The following GALNT5 variants were observed in gnomAD, a reference collection of about 807,000 sequenced individuals.
GALNT5 encodes the protein UDP-GalNAc:polypeptide N-acetylgalactosaminyltransferase 5.
A neutral mutation model predicts 85.4 loss-of-function variants in GALNT5; 72 were observed. That is an observed-to-expected ratio of 0.84 (90% confidence interval 0.70 to 1.03). The LOEUF is 1.03. Among genes scored for constraint, GALNT5 ranks in the 50% least tolerant of loss-of-function variants. The pLI is 0.00. For missense variants in GALNT5, 1,137 were observed against 1,135.5 expected (o/e 1.00, Z -0.02); for synonymous variants, 404 against 397.0 (o/e 1.02, Z -0.21).
chr2:157,263,480 T>C (rs16841435), intron 1 of GALNT5, among the ~76,000 whole-genome samples: 3,877 of 152,248 alleles, frequency 0.025, 164 homozygotes, highest in East Asian at 0.13. Context: ...CAATTACTCT[T>C]AGTGTACACA....
chr2:157,306,528 C>A (rs1683459147), intron 8 of GALNT5, among the ~76,000 whole-genome samples: 1 of 152,204 alleles, frequency 6.6e-6, no homozygotes, highest in African/African-American at 2.4e-5. Flanking sequence ...ACACTTCCCT[C>A]TCTAACATAC....
chr2:157,280,980 G>A lies in GALNT5; in HGVS notation c.1455-3302G>A, dbSNP rs565586020. On this transcript the variant is annotated intron_variant, in intron 1 of 9. Transcript: ENST00000259056. ...AGAGCTGAGCAGATGGCAGAGCCATGCTTCCTGTACAGCCTGCAGAACCGT... is the reference window on the plus strand; with the variant it reads ...AGAGCTGAGCAGATGGCAGAGCCATACTTCCTGTACAGCCTGCAGAACCGT... 2.0e-5 allele frequency among the ~76,000 whole-genome samples: 3 copies of A among 152,318 alleles called. No individual in the cohort carries two copies. In the South Asian group the frequency reaches 6.2e-4, roughly 32 times the overall value.
intron 1 of GALNT5, among the ~76,000 whole-genome samples, chr2:157,263,581 G>A (rs958151743): frequency 6.6e-6 from 1 of 152,150 alleles, no homozygotes; most frequent in South Asian, 2.1e-4. Flanking sequence ...GAAATTATAA[G>A]CTTCTGAAGG....
At position 157,302,808 on chromosome 2, in the gene GALNT5, C is replaced by G. The variant is rs185297594; in HGVS notation, c.2439+1809C>G. On this transcript the variant is annotated intron_variant, in intron 7 of 9. Coordinates refer to ENST00000259056, the MANE Select transcript of GALNT5 (RefSeq NM_014568.3). ...CTCCGCTATACTATATCAAAATGCACCAAGTATTTTAAAAAGTGATTTTAA... is the reference window on the plus strand; with the variant it reads ...CTCCGCTATACTATATCAAAATGCAGCAAGTATTTTAAAAAGTGATTTTAA... 2.4e-3 allele frequency among the ~76,000 whole-genome samples: 368 copies of G among 152,286 alleles called. 2 individuals are homozygous for G. Among genetic ancestry groups the G allele is most frequent in the Non-Finnish European group, 2.0e-3 (133 of 68,032 alleles).
intron 2 of GALNT5, among the ~76,000 whole-genome samples, chr2:157,285,340 A>G (rs748726549): frequency 5.3e-5 from 8 of 152,214 alleles, no homozygotes; most frequent in Non-Finnish European, 1.0e-4. Context: ...TATGAGGGGC[A>G]GGTCCAGATT....
chr2:157,297,431 C>G (rs1209841307), intron 5 of GALNT5, among the ~76,000 whole-genome samples: 1 of 152,174 alleles, frequency 6.6e-6, no homozygotes, highest in Non-Finnish European at 1.5e-5. Context: ...GAAATTTAGA[C>G]TTAAAAGCAT....
intron 1 of GALNT5, among the ~76,000 whole-genome samples, chr2:157,274,712 T>G (rs971344968): frequency 3.9e-5 from 6 of 152,216 alleles, no homozygotes; most frequent in Non-Finnish European, 7.3e-5. Flanking sequence ...TTGAGTTCTT[T>G]GTAGATTCTG....
intron 9 of GALNT5, among the ~76,000 whole-genome samples, chr2:157,309,443 G>T (rs2353289): frequency 0.13 from 19,806 of 151,982 alleles, 2,530 homozygotes; most frequent in African/African-American, 0.32. Flanking sequence ...CTCTCCATTT[G>T]TCCCAATTAC....
chr2:157,288,145 T>A (rs531391443), intron 3 of GALNT5, among the ~76,000 whole-genome samples: 1 of 152,290 alleles, frequency 6.6e-6, no homozygotes, highest in Non-Finnish European at 1.5e-5. Context: ...TTCAAGCATG[T>A]TCTGATGGGA....
At chr2:157,259,806 T>C (rs1477189013) in intron 1 of GALNT5, among the ~76,000 whole-genome samples, 1 of 152,212 alleles carries the variant, frequency 6.6e-6, no homozygotes, top group Non-Finnish European at 1.5e-5. Flanking sequence ...ATTAAAATGA[T>C]TAGATGAACT....
intron 1 of GALNT5, among the ~76,000 whole-genome samples, chr2:157,278,856 C>T (rs959140965): frequency 5.3e-5 from 8 of 152,152 alleles, no homozygotes; most frequent in African/African-American, 1.4e-4. Context: ...TTTGTTCCAT[C>T]GCTGGCTAGG....
At chr2:157,290,127 A>T (rs1375435505) in intron 3 of GALNT5, among the ~76,000 whole-genome samples, 2 of 149,958 alleles carry the variant, frequency 1.3e-5, no homozygotes, top group Non-Finnish European at 3.0e-5. Flanking sequence ...ACACAAACAC[A>T]TATATACATA....
rs1288089376 is a variant in GALNT5, at chr2:157,317,198, A to ATTTTTTT, written c.*5855_*5861dup. 3.8e-5 allele frequency among the ~76,000 whole-genome samples: 5 copies of ATTTTTTT among 132,980 alleles called. No individual in the cohort carries two copies. The East Asian group carries it at 1.1e-3, about 29-fold the overall frequency. 87.2% of individuals were successfully genotyped at this position (132,980 alleles called of 152,430 possible). A position where few individuals can be genotyped will look rare whatever the true frequency, so the allele number is the denominator to read the frequency against. On this transcript the variant is annotated 3_prime_UTR_variant, in exon 10 of 10. Coordinates refer to ENST00000259056, the MANE Select transcript of GALNT5 (RefSeq NM_014568.3). ...TGTATATATATATATATATATATAT[A>ATTTTTTT]TTTTTTTTTTTGATGCTTTGATCTG...
intron 5 of GALNT5, among the ~76,000 whole-genome samples, chr2:157,298,329 C>A (rs1329576250): frequency 6.6e-6 from 1 of 152,126 alleles, no homozygotes; most frequent in Admixed American, 6.5e-5. Flanking sequence ...AGAAGGAAAA[C>A]CCCATTTCCC....
chr2:157,285,678 G>C (rs1480878389), intron 2 of GALNT5, among the ~76,000 whole-genome samples: 10 of 152,172 alleles, frequency 6.6e-5, no homozygotes, highest in Non-Finnish European at 1.5e-4. Flanking sequence ...GCTGAGAGTA[G>C]AGGCAGAATT....
chr2:157,264,760 G>A (rs570631608), intron 1 of GALNT5, among the ~76,000 whole-genome samples: 1 of 152,046 alleles, frequency 6.6e-6, no homozygotes, highest in Admixed American at 6.5e-5. Context: ...AGAGGAGGAG[G>A]GGGAGGAGAC....
At chr2:157,307,983 C>T (rs900300658) in intron 8 of GALNT5, among the ~76,000 whole-genome samples, 4 of 152,194 alleles carry the variant, frequency 2.6e-5, no homozygotes, top group Admixed American at 1.3e-4. Flanking sequence ...GGGATGCCAA[C>T]CTGGTAGCAA....
At chr2:157,285,083 A>G (rs898523387) in intron 2 of GALNT5, among the ~76,000 whole-genome samples, 5 of 152,220 alleles carry the variant, frequency 3.3e-5, no homozygotes, top group Non-Finnish European at 5.9e-5. Context: ...AAATTCCCAA[A>G]TGGAACCCAT....
intron 5 of GALNT5, among the ~76,000 whole-genome samples, chr2:157,297,572 T>A (rs892442586): frequency 1.3e-5 from 2 of 152,226 alleles, no homozygotes; most frequent in Non-Finnish European, 2.9e-5. Context: ...TACTCTCATG[T>A]TGAGGGCCAA....
Sources: gnomAD v4.1 joint callset for allele counts (sites outside exome capture counted in the v4.1 genomes callset) on GRCh38, gnomAD v4.1.1 for gene constraint, MANE v1.5 for transcripts, NCBI Gene and HGNC (gene_info 2026-07-23, HGNC 2026-07-21) for gene names.